The following TMTC1 variants were observed in gnomAD, a reference collection of about 807,000 sequenced individuals.
TMTC1 encodes the protein transmembrane O-mannosyltransferase targeting cadherins 1, also known as protein O-mannosyl-transferase TMTC1.
A neutral mutation model predicts 104.8 loss-of-function variants in TMTC1; 73 were observed. The ratio of observed to expected loss-of-function variants is 0.70; its 90% confidence interval spans 0.58 to 0.85. The LOEUF is 0.85. TMTC1 is among the 40% of genes least tolerant of loss of function. TMTC1 has a pLI of 0.00. For synonymous variants in TMTC1, 434 were observed against 428.7 expected, an observed-to-expected ratio of 1.01 and a Z score of -0.15; for missense variants, 1,035 against 1,096.1, an observed-to-expected ratio of 0.94 and a Z score of 0.79.
intron 5 of TMTC1, among the ~76,000 whole-genome samples, chr12:29,672,694 C>T (rs779912094): frequency 1.3e-5 from 2 of 152,148 alleles, no homozygotes; most frequent in Non-Finnish European, 2.9e-5. Context: ...ATAACAACGA[C>T]AATAAATCCA....
chr12:29,556,906 G>A lies in TMTC1; in HGVS notation c.1627C>T (p.Leu543Phe), dbSNP rs1301826580. The A allele has an allele frequency of 8.1e-6, 13 of 1,614,096 alleles. No homozygotes were observed. Among genetic ancestry groups the A allele is most frequent in the Non-Finnish European group, 1.0e-5 (12 of 1,179,954 alleles). ...AGAGCCCGGTTATGCTGTGGATGGA[G>A]CTGGAGAGCCCTCTGATAGTACATC... Reference protein sequence around the residue: ...AKMYYQRALQLHPQHNRALFN... With the variant: ...AKMYYQRALQFHPQHNRALFN... Residue 543 changes from leucine (L) to phenylalanine (F), a missense_variant, in exon 10 of 18, where the codon CTC becomes TTC. By Grantham distance (22) the Leu-to-Phe change is conservative. Transcript: ENST00000539277.
intron 10 of TMTC1, among the ~76,000 whole-genome samples, chr12:29,554,286 C>T (rs546871387): frequency 1.9e-4 from 29 of 151,944 alleles, no homozygotes; most frequent in Middle Eastern, 3.4e-3. Context: ...TTAAAAAGAG[C>T]CTCTTAGAAC....
At chr12:29,589,697 T>G (rs1231154693) in intron 7 of TMTC1, among the ~76,000 whole-genome samples, 1 of 152,186 alleles carries the variant, frequency 6.6e-6, no homozygotes, top group Non-Finnish European at 1.5e-5. Context: ...AAGACAAGCA[T>G]AAGGAAGCTA....
intron 3 of TMTC1, among the ~76,000 whole-genome samples, chr12:29,757,416 T>C (rs1197108534): frequency 6.6e-6 from 1 of 152,186 alleles, no homozygotes; most frequent in Non-Finnish European, 1.5e-5. Flanking sequence ...CAAAAACGTA[T>C]GCAGATATTG....
chr12:29,761,784 T>C (rs1414717762), intron 2 of TMTC1, among the ~76,000 whole-genome samples: 2 of 152,142 alleles, frequency 1.3e-5, no homozygotes, highest in Admixed American at 1.3e-4. Context: ...TGTTAAAGAA[T>C]CCATCAACAA....
chr12:29,563,905 G>A (rs370515280), intron 9 of TMTC1, among the ~76,000 whole-genome samples: 5 of 152,284 alleles, frequency 3.3e-5, no homozygotes, highest in African/African-American at 1.2e-4. Flanking sequence ...GTAAAGCTGA[G>A]CTGGAGCTGA....
intron 9 of TMTC1, among the ~76,000 whole-genome samples, chr12:29,557,979 A>C (rs529885141): frequency 1.3e-5 from 2 of 152,320 alleles, no homozygotes; most frequent in Non-Finnish European, 2.9e-5. Flanking sequence ...AAAAACCCAA[A>C]GGTACGATGA....
At chr12:29,529,306 T>G (rs924418288) in intron 11 of TMTC1, among the ~76,000 whole-genome samples, 4 of 152,046 alleles carry the variant, frequency 2.6e-5, no homozygotes, top group Non-Finnish European at 5.9e-5. Flanking sequence ...ACCTACTGTA[T>G]AGAGGTGTAG....
At chr12:29,696,969 T>C (rs1941442038) in intron 5 of TMTC1, among the ~76,000 whole-genome samples, 2 of 152,174 alleles carry the variant, frequency 1.3e-5, no homozygotes, top group East Asian at 1.9e-4. Context: ...GGAAAGTCTA[T>C]AAAAGTATAC....
chr12:29,771,252 T>C (rs1943588190), intron 1 of TMTC1, among the ~76,000 whole-genome samples: 1 of 152,170 alleles, frequency 6.6e-6, no homozygotes, highest in East Asian at 1.9e-4. Flanking sequence ...GCTGAAATTG[T>C]TAGCTAATTC....
chr12:29,761,286 T>A (rs1486900611), intron 2 of TMTC1, among the ~76,000 whole-genome samples: 1 of 151,462 alleles, frequency 6.6e-6, no homozygotes, highest in African/African-American at 2.4e-5. Flanking sequence ...ACAACTAAAT[T>A]ATTAAAGTAT....
At chr12:29,591,327 C>G (rs369871347) in intron 7 of TMTC1, among the ~76,000 whole-genome samples, 92 of 152,234 alleles carry the variant, frequency 6.0e-4, no homozygotes, top group Middle Eastern at 3.4e-3. Flanking sequence ...GGAAGTCAAG[C>G]CAATGAGAAA....
At chr12:29,551,774 T>C (rs1387342987) in intron 10 of TMTC1, among the ~76,000 whole-genome samples, 1 of 149,156 alleles carries the variant, frequency 6.7e-6, no homozygotes, top group East Asian at 1.9e-4. Context: ...TAATCTTGCC[T>C]ATTTTCTTTC....
intron 5 of TMTC1, among the ~76,000 whole-genome samples, chr12:29,650,984 CAG>C (rs1443081209): frequency 6.6e-6 from 1 of 152,198 alleles, no homozygotes; most frequent in Non-Finnish European, 1.5e-5. Context: ...TAGGCTGTAT[CAG>C]ACACAAAACT....
chr12:29,509,406 C>T (rs1943773299), intron 17 of TMTC1, among the ~76,000 whole-genome samples: 2 of 152,216 alleles, frequency 1.3e-5, no homozygotes, highest in Admixed American at 1.3e-4. Context: ...TCTGCAACCT[C>T]CTTGCAAAGT....
At chr12:29,761,694 A>C (rs1943354089) in intron 2 of TMTC1, among the ~76,000 whole-genome samples, 1 of 152,180 alleles carries the variant, frequency 6.6e-6, no homozygotes, top group Non-Finnish European at 1.5e-5. Flanking sequence ...GGAACAGCTC[A>C]AAAGGGAGAT....
At chr12:29,542,418 T>C (rs1944827141) in intron 10 of TMTC1, among the ~76,000 whole-genome samples, 1 of 152,196 alleles carries the variant, frequency 6.6e-6, no homozygotes, top group Admixed American at 6.5e-5. Flanking sequence ...CCCTGCAGCA[T>C]CTGGAATTTC....
intron 5 of TMTC1, among the ~76,000 whole-genome samples, chr12:29,671,993 C>A (rs1285713247): frequency 6.6e-6 from 1 of 152,200 alleles, no homozygotes; most frequent in East Asian, 1.9e-4. Context: ...GTATAGGCAG[C>A]CCTCTCCTCC....
intron 6 of TMTC1, among the ~76,000 whole-genome samples, chr12:29,620,257 G>A (rs1034117907): frequency 2.6e-5 from 4 of 152,094 alleles, no homozygotes; most frequent in African/African-American, 9.7e-5. Context: ...TCAGAGAGGG[G>A]CCCACACAGC....
Sources: gnomAD v4.1 joint callset for allele counts (sites outside exome capture counted in the v4.1 genomes callset) on GRCh38, gnomAD v4.1.1 for gene constraint, MANE v1.5 for transcripts, NCBI Gene and HGNC (gene_info 2026-07-23, HGNC 2026-07-21) for gene names.